Variants in RHOBTB1 observed in about 807,000 individuals in gnomAD.
RHOBTB1 encodes the protein rho-related BTB domain-containing protein 1.
In RHOBTB1, 40 loss-of-function variants were observed where a neutral mutation model predicts 71.6. The ratio of observed to expected loss-of-function variants is 0.56; its 90% CI spans 0.43 to 0.73. The LOEUF (loss-of-function observed/expected upper bound fraction) is 0.73. RHOBTB1 is among the 30% of genes least tolerant of loss of function. RHOBTB1 has a pLI of 0.00. For synonymous variants in RHOBTB1, 319 were observed against 334.9 expected (o/e 0.95, Z 0.52); for missense variants, 797 against 894.0 (o/e 0.89, Z 1.38).
chr10:60,964,302 A>G (rs1414824560), intron 2 of RHOBTB1, among the ~76,000 whole-genome samples: 1 of 152,116 alleles, frequency 6.6e-6, no homozygotes, highest in Admixed American at 6.6e-5. Flanking sequence ...CAGAGAGGAT[A>G]CAACTGATTA....
chr10:60,880,202 TGAGAGA>T lies in RHOBTB1; in HGVS notation c.1576-2150_1576-2145del, dbSNP rs71018931. ...CTGTGTGTGTGTGTGTGTGTGTGTGTGAGAGAGAGAGAGAGAGAGAGAGAGAGAGAG... is the reference window on the plus strand; with the variant it reads ...CTGTGTGTGTGTGTGTGTGTGTGTGTGAGAGAGAGAGAGAGAGAGAGAGAG... On this transcript the variant is annotated intron_variant, in intron 7 of 10. Coordinates refer to ENST00000337910, the MANE Select transcript of RHOBTB1 (RefSeq NM_014836.5). Among the ~76,000 whole-genome samples, 999 of 126,932 alleles carry T rather than the reference TGAGAGA, an allele frequency of 7.9e-3. 7 individuals carry two copies. The highest frequency in any genetic ancestry group is 0.035 in the Middle Eastern group (8 of 230). The allele number at this position is 126,932 out of a possible 152,430, so 83.3% of individuals were successfully genotyped here.
At chr10:60,889,375 C>T (rs2081797738) in intron 5 of RHOBTB1, among the ~76,000 whole-genome samples, 190 bp from the exon 6 acceptor site, 2 of 152,150 alleles carry the variant, frequency 1.3e-5, no homozygotes, top group South Asian at 2.1e-4. Flanking sequence ...AAAAATAATG[C>T]TTTCAAATAT....
In RHOBTB1 at chr10:60,870,990, A is replaced by G. The variant is rs2080753459; in HGVS notation, c.*492T>C. The G allele has an allele frequency of 6.5e-6, 1 of 152,722 alleles. No homozygotes were observed. The highest frequency in any genetic ancestry group is 2.4e-5 in the African/African-American group (1 of 41,430). 9.5% of individuals were successfully genotyped at this position (152,722 alleles called of 1,614,324 possible). The stretch of plus-strand genomic sequence containing the variant: ...AGTCCCCTCCTTCCTTTCACAACAA[A>G]AGGATAACCCTCTAATTACGTAATA... On this transcript the variant is annotated 3_prime_UTR_variant, in exon 11 of 11. Coordinates refer to ENST00000337910, the MANE Select transcript of RHOBTB1 (RefSeq NM_014836.5).
At chr10:60,989,457 G>C (rs550833226) in intron 1 of RHOBTB1, among the ~76,000 whole-genome samples, 1 of 152,286 alleles carries the variant, frequency 6.6e-6, no homozygotes, top group Admixed American at 6.5e-5. Flanking sequence ...AAGATACGTT[G>C]ATACTTGTTG....
chr10:60,954,937 A>G (rs2085533303), intron 2 of RHOBTB1, among the ~76,000 whole-genome samples: 1 of 152,044 alleles, frequency 6.6e-6, no homozygotes, highest in Non-Finnish European at 1.5e-5. Context: ...AAGGGTTCTC[A>G]GGGCATTTAT....
chr10:60,913,525 G>C lies in RHOBTB1; in HGVS notation c.-10-1973C>G, dbSNP rs1056546451. On this transcript the variant is annotated intron_variant, in intron 2 of 10. Transcript: ENST00000337910. ...GGTTTTCTTAGTTACCCATCTAACA[G>C]TATAACATAGCAAAAGCATGAATTT... 4.6e-5 allele frequency among the ~76,000 whole-genome samples: 7 copies of C among 152,312 alleles called. 1 individual carries two copies. Among genetic ancestry groups the C allele is most frequent in the Middle Eastern group, 6.8e-3 (2 of 294 alleles).
At chr10:60,934,081 T>C (rs1338612123) in intron 2 of RHOBTB1, among the ~76,000 whole-genome samples, 1 of 152,142 alleles carries the variant, frequency 6.6e-6, no homozygotes, top group Non-Finnish European at 1.5e-5. Flanking sequence ...CTTTGTGACA[T>C]AAAGAAATTT....
intron 2 of RHOBTB1, among the ~76,000 whole-genome samples, chr10:60,959,996 A>T (rs943209204): frequency 2.0e-5 from 3 of 152,256 alleles, no homozygotes; most frequent in Non-Finnish European, 4.4e-5. Flanking sequence ...TGCCATAATA[A>T]TAAACAGTAG....
chr10:60,971,427 A>G (rs1043418444), intron 2 of RHOBTB1, among the ~76,000 whole-genome samples: 3 of 152,140 alleles, frequency 2.0e-5, no homozygotes, highest in Admixed American at 2.0e-4. Flanking sequence ...CAAACCTGAC[A>G]AAAACAAGCA....
intron 2 of RHOBTB1, among the ~76,000 whole-genome samples, chr10:60,925,598 T>A (rs1274792851): frequency 6.6e-6 from 1 of 151,628 alleles, no homozygotes; most frequent in African/African-American, 2.4e-5. Flanking sequence ...ATAAATGAAA[T>A]TGAGATAAAA....
chr10:60,898,128 A>AT (rs964555011), intron 4 of RHOBTB1, among the ~76,000 whole-genome samples: 2 of 152,116 alleles, frequency 1.3e-5, no homozygotes, highest in African/African-American at 2.4e-5. Flanking sequence ...ATTATTACTT[A>AT]TTTTTTTAGG....
At chr10:60,961,332 G>A (rs184262290) in intron 2 of RHOBTB1, among the ~76,000 whole-genome samples, 6 of 152,200 alleles carry the variant, frequency 3.9e-5, no homozygotes, top group Non-Finnish European at 7.4e-5. Flanking sequence ...GCTTACTAGC[G>A]GTACAATTCT....
intron 7 of RHOBTB1, among the ~76,000 whole-genome samples, chr10:60,878,854 T>C (rs1295180124): frequency 6.6e-6 from 1 of 152,244 alleles, no homozygotes; most frequent in Admixed American, 6.5e-5. Context: ...TTAATGGAGA[T>C]GTACACTGCG....
the RHOBTB1 span, among the ~76,000 whole-genome samples, chr10:60,863,696 C>A: frequency 6.6e-6 from 1 of 152,108 alleles, no homozygotes; most frequent in African/African-American, 2.4e-5. Flanking sequence ...CCATGCCTGG[C>A]TAATTTTTGT....
chr10:60,875,744 A>G (rs2081022103), intron 8 of RHOBTB1, among the ~76,000 whole-genome samples: 1 of 152,220 alleles, frequency 6.6e-6, no homozygotes, highest in African/African-American at 2.4e-5. Flanking sequence ...TGCAGTTAGA[A>G]GTAACAAAAA....
chr10:60,917,140 C>T (rs558581375), intron 2 of RHOBTB1, among the ~76,000 whole-genome samples: 10 of 152,292 alleles, frequency 6.6e-5, no homozygotes, highest in African/African-American at 1.9e-4. Flanking sequence ...TAAGTTTTGA[C>T]GTTTGTTACA....
At chr10:60,961,831 C>CA (rs1267555496) in intron 2 of RHOBTB1, among the ~76,000 whole-genome samples, 5 of 135,910 alleles carry the variant, frequency 3.7e-5, no homozygotes, top group East Asian at 2.1e-4. Flanking sequence ...TTTTTTGAGA[C>CA]AGAGTTTCCC....
At chr10:60,951,808 A>T (rs528267110) in intron 2 of RHOBTB1, among the ~76,000 whole-genome samples, 8 of 152,024 alleles carry the variant, frequency 5.3e-5, no homozygotes, top group Admixed American at 5.2e-4. Context: ...ATAATGGTAA[A>T]TGATTTGGGA....
intron 1 of RHOBTB1, among the ~76,000 whole-genome samples, chr10:60,991,678 G>A (rs1264324474): frequency 1.3e-5 from 2 of 151,864 alleles, no homozygotes; most frequent in African/African-American, 2.4e-5. Flanking sequence ...TGATCCACCC[G>A]CCTCAGCCTC....
Sources: gnomAD v4.1 joint callset for allele counts (sites outside exome capture counted in the v4.1 genomes callset) on GRCh38, gnomAD v4.1.1 for gene constraint, MANE v1.5 for transcripts, NCBI Gene and HGNC (gene_info 2026-07-23, HGNC 2026-07-21) for gene names.